PXDNL: variants seen among roughly 807,000 people sequenced by gnomAD.
PXDNL encodes the protein probable oxidoreductase PXDNL.
Under a neutral mutation model 150.8 loss-of-function variants are expected in PXDNL, and 145 were observed. The ratio of observed to expected loss-of-function variants is 0.96; its 90% CI spans 0.84 to 1.10. The LOEUF is 1.10. Ranked by LOEUF, PXDNL falls within the 50% of genes least tolerant of loss-of-function variation. The pLI is 0.00. For synonymous variants in PXDNL, 757 were observed against 725.7 expected, an observed-to-expected ratio of 1.04 and a Z score of -0.69; for missense variants, 2,087 against 1,873.9, an observed-to-expected ratio of 1.11 and a Z score of -2.10.
intron 12 of PXDNL, among the ~76,000 whole-genome samples, chr8:51,427,672 G>A (rs72638014): frequency 1.1e-3 from 160 of 152,280 alleles, no homozygotes; most frequent in Non-Finnish European, 2.0e-3. Context: ...CATAAAAAGT[G>A]TTTGCCTATA....
At chr8:51,505,422 C>A (rs7016872) in intron 4 of PXDNL, among the ~76,000 whole-genome samples, 2,001 of 152,274 alleles carry the variant, frequency 0.013, 42 homozygotes, top group African/African-American at 0.046. Context: ...ACCTTGGCAA[C>A]CCCGATCTAA....
chr8:51,665,867 A>G (rs979227574), intron 1 of PXDNL, among the ~76,000 whole-genome samples: 1 of 152,204 alleles, frequency 6.6e-6, no homozygotes, highest in African/African-American at 2.4e-5. Flanking sequence ...CATTCCTGTG[A>G]TGATGTGAGG....
At chr8:51,421,979 G>A (rs534709712) in intron 14 of PXDNL, among the ~76,000 whole-genome samples, 175 of 152,280 alleles carry the variant, frequency 1.1e-3, no homozygotes, top group African/African-American at 4.1e-3. Flanking sequence ...GAGGCGAGCA[G>A]CAGGCAAGCG....
intron 4 of PXDNL, among the ~76,000 whole-genome samples, chr8:51,509,791 CGTATAT>C (rs1174850445): frequency 6.7e-6 from 1 of 149,168 alleles, no homozygotes; most frequent in Non-Finnish European, 1.5e-5. Context: ...TACACACACA[CGTATAT>C]GTATATATAT....
At chr8:51,509,306 A>G (rs1335962994) in intron 4 of PXDNL, among the ~76,000 whole-genome samples, 3 of 152,168 alleles carry the variant, frequency 2.0e-5, no homozygotes, top group South Asian at 4.1e-4. Flanking sequence ...AAACACAGAA[A>G]TCAGAGTGAC....
At chr8:51,651,829 G>A (rs1369136202) in intron 2 of PXDNL, among the ~76,000 whole-genome samples, 2 of 152,122 alleles carry the variant, frequency 1.3e-5, no homozygotes, top group Non-Finnish European at 2.9e-5. Context: ...GAAGGCAGAG[G>A]CACCCTGGCA....
At chr8:51,711,791 A>T (rs1816506522) in intron 1 of PXDNL, among the ~76,000 whole-genome samples, 1 of 152,242 alleles carries the variant, frequency 6.6e-6, no homozygotes, top group Admixed American at 6.5e-5. Flanking sequence ...GTCAACAAAA[A>T]ATACTTGTAG....
At chr8:51,537,437 A>G (rs971276552) in intron 4 of PXDNL, among the ~76,000 whole-genome samples, 2 of 152,230 alleles carry the variant, frequency 1.3e-5, no homozygotes, top group Admixed American at 1.3e-4. Flanking sequence ...ACTTCAAAAC[A>G]TATTCAGACC....
At chr8:51,494,191 C>G (rs1443569556) in intron 5 of PXDNL, among the ~76,000 whole-genome samples, 1 of 150,546 alleles carries the variant, frequency 6.6e-6, no homozygotes, top group Non-Finnish European at 1.5e-5. Flanking sequence ...AGCTTCATAA[C>G]TGAAGGATAA....
intron 2 of PXDNL, among the ~76,000 whole-genome samples, chr8:51,647,799 A>G (rs1814951112): frequency 6.6e-6 from 1 of 152,200 alleles, no homozygotes; most frequent in Non-Finnish European, 1.5e-5. Context: ...GTAAATGAAA[A>G]ACACTTACAA....
At chr8:51,504,922 T>C (rs1480029315) in intron 4 of PXDNL, among the ~76,000 whole-genome samples, 2 of 152,344 alleles carry the variant, frequency 1.3e-5, no homozygotes, top group East Asian at 1.9e-4. Context: ...CAATCTATAA[T>C]GGCATTACAT....
At chr8:51,322,386 T>C (rs1805350938) in intron 21 of PXDNL, among the ~76,000 whole-genome samples, 1 of 151,936 alleles carries the variant, frequency 6.6e-6, no homozygotes, top group African/African-American at 2.4e-5. Flanking sequence ...ATTTCAGAAA[T>C]GTACATTTCT....
At chr8:51,447,335 C>G (rs1809699792) in intron 11 of PXDNL, among the ~76,000 whole-genome samples, 173 bp from the exon 12 acceptor site, 1 of 152,066 alleles carries the variant, frequency 6.6e-6, no homozygotes, top group Admixed American at 6.5e-5. Flanking sequence ...CACCCCCATG[C>G]CGCTTGTCCC....
intron 1 of PXDNL, among the ~76,000 whole-genome samples, chr8:51,709,175 A>G (rs1464841327): frequency 2.0e-5 from 3 of 152,168 alleles, no homozygotes; most frequent in Admixed American, 6.5e-5. Context: ...GAATTAGTAA[A>G]TTTCATTACT....
chr8:51,734,123 C>T (rs1047921547), intron 1 of PXDNL, among the ~76,000 whole-genome samples: 12 of 151,968 alleles, frequency 7.9e-5, no homozygotes, highest in South Asian at 4.2e-4. Flanking sequence ...CAGTATAATG[C>T]GGAGCTTTGA....
chr8:51,562,152 T>C (rs953507295), intron 3 of PXDNL, among the ~76,000 whole-genome samples: 5 of 151,678 alleles, frequency 3.3e-5, no homozygotes, highest in African/African-American at 1.2e-4. Flanking sequence ...AAATATATAA[T>C]TTTAAAGAAA....
chr8:51,343,945 T>C (rs1806068154), intron 20 of PXDNL, among the ~76,000 whole-genome samples: 1 of 152,208 alleles, frequency 6.6e-6, no homozygotes, highest in African/African-American at 2.4e-5. Context: ...TTGCCTGGAT[T>C]AGCTCCAGGA....
intron 2 of PXDNL, among the ~76,000 whole-genome samples, chr8:51,634,934 T>A (rs1814575550): frequency 6.6e-6 from 1 of 152,264 alleles, no homozygotes; most frequent in East Asian, 1.9e-4. Flanking sequence ...GACAGATAAT[T>A]TGACTTCTTC....
intron 21 of PXDNL, 86 bp from the exon 22 acceptor site, chr8:51,320,983 C>G (rs1805298434): frequency 4.0e-6 from 4 of 992,808 alleles, no homozygotes; most frequent in Non-Finnish European, 4.7e-6. Flanking sequence ...ATGAAATGCT[C>G]TATTCTGTAA....
Sources: gnomAD v4.1 joint callset for allele counts (sites outside exome capture counted in the v4.1 genomes callset) on GRCh38, gnomAD v4.1.1 for gene constraint, MANE v1.5 for transcripts, NCBI Gene and HGNC (gene_info 2026-07-23, HGNC 2026-07-21) for gene names.